Variants in SV2B observed in about 807,000 individuals in gnomAD.
SV2B encodes synaptic vesicle glycoprotein 2B.
Under a neutral mutation model 73.9 loss-of-function variants are expected in SV2B, and 41 were observed. The observed-to-expected ratio is 0.56, with a 90% CI of 0.43 to 0.72. The LOEUF (loss-of-function observed/expected upper bound fraction) is 0.72. Among genes scored for constraint, SV2B ranks in the 30% least tolerant of loss-of-function variants. SV2B has a pLI of 0.00. For missense variants in SV2B, 764 were observed against 857.8 expected (o/e 0.89, Z 1.37); for synonymous variants, 314 against 314.2 (o/e 1.00, Z 0.01).
In SV2B at chr15:91,273,836, A is replaced by G. The variant is rs8034749; in HGVS notation, c.1373+5231A>G. Among the ~76,000 whole-genome samples, 366 of 152,308 alleles carry G rather than the reference A, an allele frequency of 2.4e-3. 2 individuals are homozygous for G. Among genetic ancestry groups the G allele is most frequent in the African/African-American group, 8.2e-3 (340 of 41,576 alleles). On this transcript the variant is annotated intron_variant, in intron 9 of 12. Coordinates refer to ENST00000394232, the MANE Select transcript of SV2B (RefSeq NM_001323032.3). ...GCCGGAGGTCATGATCACCATTGTC[A>G]TAAGTTTGGTGCTTTACATTCACGC...
chr15:91,235,021 T>TC (rs1470335978), intron 2 of SV2B, among the ~76,000 whole-genome samples: 1 of 152,064 alleles, frequency 6.6e-6, no homozygotes, highest in Non-Finnish European at 1.5e-5. Context: ...TCTGTGGTTT[T>TC]CCCCCCAGTT....
intron 1 of SV2B, among the ~76,000 whole-genome samples, chr15:91,193,412 A>C (rs1451970419): frequency 6.6e-6 from 1 of 152,234 alleles, no homozygotes; most frequent in Non-Finnish European, 1.5e-5. Context: ...GATATTTAAA[A>C]AAAAACAAAA....
At position 91,289,775 on chromosome 15, in the gene SV2B, C is replaced by T. The variant is rs1033117902; in HGVS notation, c.1868+95C>T. On this transcript the variant is annotated intron_variant, in intron 12 of 12. Transcript: ENST00000394232. The surrounding 1 kb of genome is among the most constrained non-coding windows in gnomAD (Gnocchi z 4.9). ...TAAATCTCATGCTGTGCATGGCCATCGTGGTCTTTCTGCTGTTCCGTGAAA... is the reference window on the plus strand; with the variant it reads ...TAAATCTCATGCTGTGCATGGCCATTGTGGTCTTTCTGCTGTTCCGTGAAA... The T allele has an allele frequency of 7.3e-5, 98 of 1,340,060 alleles. No homozygotes were observed. Among genetic ancestry groups the T allele is most frequent in the Non-Finnish European group, 8.8e-5 (87 of 985,552 alleles). The allele number at this position is 1,340,060 out of a possible 1,614,324, so 83.0% of individuals were successfully genotyped here.
rs2048986531 is a variant in SV2B, at chr15:91,289,964, T to C, written c.1868+284T>C. 6.6e-6 allele frequency among the ~76,000 whole-genome samples: 1 copy of C among 152,178 alleles called. No homozygotes were observed. The highest frequency in any genetic ancestry group is 2.4e-5 in the African/African-American group (1 of 41,434). ...AGAGTGAAAAGTTGGTAAAACCATA[T>C]GTGTCATGTAATCCACAAGAGAGAA... On this transcript the variant is annotated intron_variant, in intron 12 of 12. Transcript: ENST00000394232. The surrounding 1 kb of genome is among the most constrained non-coding windows in gnomAD (Gnocchi z 4.9).
intron 11 of SV2B, among the ~76,000 whole-genome samples, chr15:91,286,715 A>G (rs2048871895): frequency 6.6e-6 from 1 of 152,170 alleles, no homozygotes; most frequent in East Asian, 1.9e-4. Context: ...CGCCATTTTA[A>G]TCAACATTTT....
intron 6 of SV2B, among the ~76,000 whole-genome samples, chr15:91,262,308 A>G (rs886303864): frequency 6.6e-6 from 1 of 152,230 alleles, no homozygotes; most frequent in Non-Finnish European, 1.5e-5. Context: ...AGTAAGTGCT[A>G]CACAGACGTT....
chr15:91,191,096 G>T (rs1320979551), intron 1 of SV2B, among the ~76,000 whole-genome samples: 9 of 45,862 alleles, frequency 2.0e-4, no homozygotes, highest in South Asian at 9.1e-4. Flanking sequence ...ACAGAGTCTT[G>T]CTCTTGTTGC....
At chr15:91,119,562 A>T (rs2042269924) in intron 1 of SV2B, among the ~76,000 whole-genome samples, 1 of 152,250 alleles carries the variant, frequency 6.6e-6, no homozygotes, top group South Asian at 2.1e-4. Flanking sequence ...TGGTTTCCTT[A>T]TGCCTATTAA....
intron 1 of SV2B, among the ~76,000 whole-genome samples, chr15:91,170,530 T>TGCC (rs937222170): frequency 8.5e-5 from 13 of 152,314 alleles, no homozygotes; most frequent in African/African-American, 2.9e-4. Context: ...TCAGGTGATC[T>TGCC]GCCGCCTCAG....
chr15:91,165,077 C>T (rs1217247457), intron 1 of SV2B, among the ~76,000 whole-genome samples: 1 of 152,134 alleles, frequency 6.6e-6, no homozygotes, highest in Admixed American at 6.5e-5. Context: ...TGGCTCTTGC[C>T]TGTAATCCCA....
rs1299115822 is a variant in SV2B, at chr15:91,240,748, C to G, written c.452-11071C>G. ...GAGGTTCATGTCTGCCAGGACACCCCTTACCATCCACATTTGCATTCCCGT... is the reference window on the plus strand; with the variant it reads ...GAGGTTCATGTCTGCCAGGACACCCGTTACCATCCACATTTGCATTCCCGT... On this transcript the variant is annotated intron_variant, in intron 2 of 12. Coordinates refer to ENST00000394232, the MANE Select transcript of SV2B (RefSeq NM_001323032.3). The surrounding 1 kb of genome is among the most constrained non-coding windows in gnomAD (Gnocchi z 4.6). Among the ~76,000 whole-genome samples the G allele has an allele frequency of 6.6e-6, 1 of 152,134 alleles. No homozygotes were observed. Among genetic ancestry groups the G allele is most frequent in the Non-Finnish European group, 1.5e-5 (1 of 68,014 alleles).
chr15:91,113,221 A>G (rs1417053208), intron 1 of SV2B, among the ~76,000 whole-genome samples: 3 of 152,176 alleles, frequency 2.0e-5, no homozygotes, highest in Admixed American at 1.3e-4. Context: ...CACATAGACT[A>G]CATCTCCAGG....
chr15:91,144,840 A>G (rs947230762), intron 1 of SV2B, among the ~76,000 whole-genome samples: 1 of 151,846 alleles, frequency 6.6e-6, no homozygotes, highest in Non-Finnish European at 1.5e-5. Flanking sequence ...TGCCGTGTTA[A>G]TTAATGTGTG....
intron 1 of SV2B, among the ~76,000 whole-genome samples, chr15:91,117,115 C>T (rs571907375): frequency 6.6e-6 from 1 of 152,280 alleles, no homozygotes; most frequent in South Asian, 2.1e-4. Context: ...TACCAGTATG[C>T]AGACTTAGAA....
intron 1 of SV2B, among the ~76,000 whole-genome samples, chr15:91,165,045 A>AT (rs1395129285): frequency 4.6e-5 from 7 of 152,062 alleles, no homozygotes; most frequent in Non-Finnish European, 8.8e-5. Flanking sequence ...GGATCAAAAA[A>AT]TTTTTTTTAG....
rs950639504 is a variant in SV2B, at chr15:91,100,340, G to C, written c.-415G>C. 6.6e-6 allele frequency: 1 copy of C among 152,260 alleles called. No individual in the cohort carries two copies. Among genetic ancestry groups the C allele is most frequent in the African/African-American group, 2.4e-5 (1 of 41,460 alleles). 9.4% of individuals were successfully genotyped at this position (152,260 alleles called of 1,614,324 possible). A position where few individuals can be genotyped will look rare whatever the true frequency, so the allele number is the denominator to read the frequency against. Reference sequence around the variant, plus strand: ...GCTGCTCTGCCTGCATCCGGAGGCGGCCGCCAGCGGATTTGCCACCCAGGT... The same window carrying C: ...GCTGCTCTGCCTGCATCCGGAGGCGCCCGCCAGCGGATTTGCCACCCAGGT... On this transcript the variant is annotated 5_prime_UTR_variant, in exon 1 of 13. Transcript: ENST00000394232. This position sits in a 1 kb window ranked among gnomAD's most constrained non-coding sequence, Gnocchi z 6.4.
rs570099991 is a variant in SV2B, at chr15:91,179,838, C to G, written c.-391-46035C>G. ...TACAGCACACTGATGGGTCTTGACT[C>G]TTTATCCAATTTGCCAGTCTGTGTC... On this transcript the variant is annotated intron_variant, in intron 1 of 12. Coordinates refer to ENST00000394232, the MANE Select transcript of SV2B (RefSeq NM_001323032.3). Among the ~76,000 whole-genome samples the G allele has an allele frequency of 3.9e-5, 6 of 152,046 alleles. No homozygotes were observed. In the South Asian group the frequency reaches 1.3e-3, roughly 32 times the overall value.
intron 1 of SV2B, among the ~76,000 whole-genome samples, chr15:91,212,119 A>G (rs1424497816): frequency 2.6e-5 from 4 of 152,212 alleles, no homozygotes; most frequent in Admixed American, 6.5e-5. Context: ...AGATAAACCT[A>G]TGTTGTGTGC....
chr15:91,136,117 T>G lies in SV2B; in HGVS notation c.-392+35754T>G, dbSNP rs890515664. ...GAAAACTTTGTGTACTTTACCACCT[T>G]CACAAAGTACTGCCTTCACAGACTC... On this transcript the variant is annotated intron_variant, in intron 1 of 12. Transcript: ENST00000394232. The surrounding 1 kb of genome is among the most constrained non-coding windows in gnomAD (Gnocchi z 5.6). Among the ~76,000 whole-genome samples, 4 of 152,316 alleles carry G rather than the reference T, an allele frequency of 2.6e-5. No individual in the cohort carries two copies. The highest frequency in any genetic ancestry group is 9.6e-5 in the African/African-American group (4 of 41,568).
Sources: allele counts gnomAD v4.1 joint callset (sites outside exome capture counted in the v4.1 genomes callset), GRCh38; gene constraint gnomAD v4.1.1; non-coding constraint Gnocchi (gnomAD v3.1); transcripts MANE v1.5; gene names NCBI Gene and HGNC (gene_info 2026-07-23, HGNC 2026-07-21).